AHCTF1: variants seen among roughly 807,000 people sequenced by gnomAD.
AHCTF1 encodes the protein AT-hook containing transcription factor 1.
In AHCTF1, 24 loss-of-function variants were observed where a neutral mutation model predicts 248.4. The ratio of observed to expected loss-of-function variants is 0.10; its 90% CI spans 0.07 to 0.14. The LOEUF is 0.14. AHCTF1 is among the 10% of genes least tolerant of loss of function. The probability of loss-of-function intolerance (pLI) is 1.00; values close to 1 mark genes in which losing one functional copy is unlikely to be tolerated. For missense variants in AHCTF1, 2,206 were observed against 2,636.2 expected, an observed-to-expected ratio of 0.84 and a Z score of 3.57; for synonymous variants, 786 against 929.8, an observed-to-expected ratio of 0.85 and a Z score of 2.81.
chr1:246,912,207 G>A (rs1665857322), intron 4 of AHCTF1, among the ~76,000 whole-genome samples: 2 of 152,066 alleles, frequency 1.3e-5, no homozygotes, highest in Admixed American at 6.6e-5. Context: ...GCCGGGTGTG[G>A]TGGCTCACAC....
rs763675525 is a variant in AHCTF1, at chr1:246,877,085, A to C, written c.2806-4T>G. 6.2e-7 allele frequency: 1 copy of C among 1,612,172 alleles called. No individual in the cohort carries two copies. The highest frequency in any genetic ancestry group is 8.5e-7 in the Non-Finnish European group (1 of 1,179,956). On this transcript the variant is annotated splice_region_variant and splice_polypyrimidine_tract_variant and intron_variant, in intron 22 of 35. Coordinates refer to ENST00000648844, the MANE Select transcript of AHCTF1 (RefSeq NM_001323342.2). ...GCAAAAATTTCACTAAACATTCCTAAAAAGAACAAAATAGATTGTAAACTA... is the reference window on the plus strand; with the variant it reads ...GCAAAAATTTCACTAAACATTCCTACAAAGAACAAAATAGATTGTAAACTA...
chr1:246,859,549 A>C (rs1056789567), intron 29 of AHCTF1, among the ~76,000 whole-genome samples: 1 of 152,102 alleles, frequency 6.6e-6, no homozygotes, highest in Non-Finnish European at 1.5e-5. Flanking sequence ...GGAACTCAAA[A>C]CATTTTTTGA....
chr1:246,867,708 T>C lies in AHCTF1; in HGVS notation c.3192A>G (p.Glu1064=), dbSNP rs1662086110. 6.2e-7 allele frequency: 1 copy of C among 1,612,674 alleles called. No homozygotes were observed. Among genetic ancestry groups the C allele is most frequent in the African/African-American group, 1.3e-5 (1 of 74,878 alleles). The change falls in exon 25 of 36, where the codon GAA becomes GAG. Residue 1064 remains glutamate (E), a synonymous_variant. Transcript: ENST00000648844. ...TTATAGGTTCTTTGCTTGCCCAAAC[T>C]TCTCCAATTTTAGATAACACATTGT... The part of the protein sequence containing the change: ...FINNVLSKIG[E]VWASKEPINS...
At position 246,894,682 on chromosome 1, in the gene AHCTF1, G is replaced by T. The variant is rs886398173; in HGVS notation, c.1781C>A (p.Thr594Lys). 16 of 1,612,952 alleles carry T rather than the reference G, an allele frequency of 9.9e-6. No individual in the cohort carries two copies. The highest frequency in any genetic ancestry group is 1.2e-5 in the Non-Finnish European group (14 of 1,179,774). Residue 594 changes from threonine to lysine, a missense_variant, in exon 14 of 36, where the codon ACA becomes AAA. By Grantham distance (78) the Thr-to-Lys change is moderately conservative. Around this residue, in one of 6 missense-constraint regions of AHCTF1, gnomAD observed 650 missense variants for 870.8 expected, o/e 0.75. Transcript: ENST00000648844. The stretch of plus-strand genomic sequence containing the variant: ...ACATAGTCTGTCAAATTCCTCTTTT[G>T]TGAGAACCACTTTATTCCACGTCCA... ...LEWTWNKVVLTKEEFDRLCVP... is the reference protein window; with the variant it reads ...LEWTWNKVVLKKEEFDRLCVP...
At chr1:246,921,691 A>C (rs1666560550) in intron 1 of AHCTF1, among the ~76,000 whole-genome samples, 1 of 152,242 alleles carries the variant, frequency 6.6e-6, no homozygotes, top group Admixed American at 6.5e-5. Flanking sequence ...ATGACTCAAC[A>C]ACAGTAGTAG....
chr1:246,922,977 T>C (rs567730698), intron 1 of AHCTF1, among the ~76,000 whole-genome samples: 20 of 97,600 alleles, frequency 2.0e-4, no homozygotes, highest in Middle Eastern at 5.4e-3. Context: ...AGCGAGACTC[T>C]GTCTCAAAAA....
At chr1:246,846,707 G>A (rs1558206220) in intron 33 of AHCTF1, among the ~76,000 whole-genome samples, 1 of 151,238 alleles carries the variant, frequency 6.6e-6, no homozygotes, top group South Asian at 2.1e-4. Flanking sequence ...GAAATATTAC[G>A]TTTAAGATTT....
chr1:246,860,813 C>T, intron 29 of AHCTF1, 86 bp downstream of exon 29: 1 of 1,519,188 alleles, frequency 6.6e-7, no homozygotes, highest in South Asian at 1.3e-5. Context: ...GGCTAGGATG[C>T]TTTTCTTATG....
Position 246,887,292 on chromosome 1 carries a change from A to C in AHCTF1, c.2391T>G (p.Ser797=). 1 of 1,613,556 alleles carries C rather than the reference A, an allele frequency of 6.2e-7. No homozygotes were observed. Among genetic ancestry groups the C allele is most frequent in the Non-Finnish European group, 8.5e-7 (1 of 1,179,736 alleles). Residue 797 remains serine (S), a synonymous_variant, in exon 20 of 36, where the codon TCT becomes TCG. Coordinates refer to ENST00000648844, the MANE Select transcript of AHCTF1 (RefSeq NM_001323342.2). ...FPNKTDTPIE[S]FPTVFAISWG... The stretch of plus-strand genomic sequence containing the variant: ...AAGAAATGGCAAATACAGTTGGGAA[A>C]GATTCAATGGGAGTGTCTGTTTTGT...
chr1:246,930,214 C>T (rs972336040), intron 1 of AHCTF1, among the ~76,000 whole-genome samples: 5 of 152,326 alleles, frequency 3.3e-5, no homozygotes, highest in African/African-American at 1.2e-4. Flanking sequence ...TAGCTCACTG[C>T]AACCCTCGAA....
rs1453302796 is a variant in AHCTF1, at chr1:246,886,202, G to A, written c.2473-522C>T. Among the ~76,000 whole-genome samples the A allele has an allele frequency of 6.6e-5, 10 of 152,122 alleles. No individual in the cohort carries two copies. In the East Asian group the frequency reaches 7.7e-4, roughly 12 times the overall value. On this transcript the variant is annotated intron_variant, in intron 20 of 35. Transcript: ENST00000648844. The stretch of plus-strand genomic sequence containing the variant: ...AAAAATTAGCCAGGTAGGGTGGTGC[G>A]TACCTATAGTCCCAGCTACTTGGGA...
intron 5 of AHCTF1, 112 bp downstream of exon 5, chr1:246,907,439 T>C: frequency 3.2e-6 from 3 of 931,234 alleles, no homozygotes; most frequent in Non-Finnish European, 4.7e-6. Context: ...ATTCAATCAT[T>C]AATCTACCCA....
At chr1:246,913,462 A>T (rs1665943623) in intron 3 of AHCTF1, 50 bp from the exon 4 acceptor site, 1 of 1,526,706 alleles carries the variant, frequency 6.6e-7, no homozygotes, top group Non-Finnish European at 8.9e-7. Flanking sequence ...GTAAGAAAAT[A>T]TAATTAACAC....
At chr1:246,882,554 T>C (rs915190345) in intron 21 of AHCTF1, among the ~76,000 whole-genome samples, 1 of 152,156 alleles carries the variant, frequency 6.6e-6, no homozygotes, top group Admixed American at 6.5e-5. Context: ...ATATATACTT[T>C]TGTATTACAA....
At chr1:246,872,357 A>T (rs1662658205) in intron 24 of AHCTF1, among the ~76,000 whole-genome samples, 1 of 152,082 alleles carries the variant, frequency 6.6e-6, no homozygotes, top group African/African-American at 2.4e-5. Context: ...AGGACCCAAA[A>T]ACTTCAGGTA....
At chr1:246,882,719 T>C (rs900918296) in intron 21 of AHCTF1, among the ~76,000 whole-genome samples, 23 of 152,230 alleles carry the variant, frequency 1.5e-4, no homozygotes, top group Admixed American at 1.1e-3. Context: ...TCAATGTTAG[T>C]AGCTGAATTA....
At chr1:246,931,355 A>G in intron 1 of AHCTF1, 3 of 1,538,668 alleles carry the variant, frequency 1.9e-6, no homozygotes, top group Non-Finnish European at 2.6e-6. Flanking sequence ...GTCCGAGATT[A>G]TGTAACGAAG....
Position 246,860,197 on chromosome 1 carries a change from G to T in AHCTF1, c.4132+702C>A, listed in dbSNP as rs61226215. On this transcript the variant is annotated intron_variant, in intron 29 of 35. Transcript: ENST00000648844. ...ACTGCTTGAACCTGGTTGGGGGGGG[G>T]GCGGAGGTTGCAGTGAGCCGAGATC... is the stretch of plus-strand genomic sequence containing the variant. Among the ~76,000 whole-genome samples, 962 of 145,196 alleles carry T rather than the reference G, an allele frequency of 6.6e-3. 2 individuals carry two copies. Among genetic ancestry groups the T allele is most frequent in the Non-Finnish European group, 0.01 (677 of 66,080 alleles).
At chr1:246,841,325 C>A (rs1296687397) in intron 35 of AHCTF1, among the ~76,000 whole-genome samples, 1 of 152,142 alleles carries the variant, frequency 6.6e-6, no homozygotes, top group African/African-American at 2.4e-5. Flanking sequence ...CAGTTGTCAG[C>A]CCAGGGGATG....
Sources: gnomAD v4.1 joint callset for allele counts (sites outside exome capture counted in the v4.1 genomes callset) on GRCh38, gnomAD v4.1.1 for gene constraint, gnomAD v4.1.1 regional missense constraint, MANE v1.5 for transcripts, NCBI Gene and HGNC (gene_info 2026-07-23, HGNC 2026-07-21) for gene names.